CFTR: variants seen among roughly 807,000 people sequenced by gnomAD.
The protein encoded by CFTR is CF transmembrane conductance regulator.
CFTR carries 181 observed loss-of-function variants against 171.6 expected under a neutral mutation model. The ratio of observed to expected loss-of-function variants is 1.05; its 90% CI spans 0.93 to 1.19. The LOEUF (loss-of-function observed/expected upper bound fraction) is 1.19. Ranked by LOEUF, CFTR falls within the 50% of genes most tolerant of loss-of-function variation. CFTR has a pLI of 0.00. For missense variants in CFTR, 1,968 were observed against 1,734.7 expected (o/e 1.13, Z -2.39); for synonymous variants, 583 against 608.0 (o/e 0.96, Z 0.60).
chr7:117,571,228 G>T (rs1326935986), intron 11 of CFTR, among the ~76,000 whole-genome samples: 3 of 152,292 alleles, frequency 2.0e-5, no homozygotes, highest in African/African-American at 7.2e-5. Flanking sequence ...TGAAGGCCAG[G>T]TCCTAAGATC....
intron 23 of CFTR, among the ~76,000 whole-genome samples, chr7:117,646,711 C>A (rs1793001252): frequency 6.6e-6 from 1 of 151,960 alleles, no homozygotes; most frequent in South Asian, 2.1e-4. Flanking sequence ...GGAAACTCTC[C>A]AGCTATGAAG....
At chr7:117,549,088 A>C (rs1285765395) in intron 10 of CFTR, among the ~76,000 whole-genome samples, 1 of 152,266 alleles carries the variant, frequency 6.6e-6, no homozygotes, top group Non-Finnish European at 1.5e-5. Context: ...GCACATGGCG[A>C]GCATTCAATA....
intron 18 of CFTR, among the ~76,000 whole-genome samples, chr7:117,609,693 A>G (rs937606542): frequency 1.3e-5 from 2 of 152,200 alleles, no homozygotes; most frequent in African/African-American, 2.4e-5. Context: ...AGACTCCAAG[A>G]CGAATGCCCA....
At chr7:117,627,159 T>C (rs1792662633) in intron 21 of CFTR, among the ~76,000 whole-genome samples, 1 of 152,092 alleles carries the variant, frequency 6.6e-6, no homozygotes, top group Non-Finnish European at 1.5e-5. Flanking sequence ...GGTTTTGAGG[T>C]GTGGTACATT....
intron 1 of CFTR, among the ~76,000 whole-genome samples, chr7:117,485,020 G>T (rs1328397354): frequency 6.6e-6 from 1 of 152,064 alleles, no homozygotes; most frequent in Non-Finnish European, 1.5e-5. Flanking sequence ...GGAAATCACG[G>T]TTTTCCAGTT....
intron 24 of CFTR, among the ~76,000 whole-genome samples, chr7:117,661,999 A>C (rs1026377857): frequency 4.6e-5 from 7 of 151,874 alleles, no homozygotes; most frequent in African/African-American, 9.7e-5. Context: ...AAAAAAAAAA[A>C]AAAAAAACCC....
intron 23 of CFTR, among the ~76,000 whole-genome samples, chr7:117,648,035 TAC>T (rs1429902789): frequency 3.4e-5 from 5 of 147,356 alleles, no homozygotes; most frequent in Admixed American, 1.4e-4. Flanking sequence ...TATATATATA[TAC>T]ACACACACAT....
intron 11 of CFTR, among the ~76,000 whole-genome samples, chr7:117,572,247 C>G (rs1296635050): frequency 1.3e-5 from 2 of 152,194 alleles, no homozygotes; most frequent in Non-Finnish European, 2.9e-5. Flanking sequence ...GGTGATCTGC[C>G]TGGCTTGGCC....
At chr7:117,661,007 C>G (rs1793270606) in intron 24 of CFTR, among the ~76,000 whole-genome samples, 1 of 152,080 alleles carries the variant, frequency 6.6e-6, no homozygotes, top group African/African-American at 2.4e-5. Context: ...CATTTACATC[C>G]AAAAGATCCG....
At chr7:117,614,870 C>T (rs748996097) in intron 21 of CFTR, among the ~76,000 whole-genome samples, 157 bp downstream of exon 21, 2 of 152,084 alleles carry the variant, frequency 1.3e-5, no homozygotes, top group Non-Finnish European at 2.9e-5. Context: ...TCATTAAATC[C>T]TTATCTCTTC....
chr7:117,662,003 A>C (rs1351161722), intron 24 of CFTR, among the ~76,000 whole-genome samples: 3 of 149,442 alleles, frequency 2.0e-5, no homozygotes, highest in Non-Finnish European at 4.4e-5. Flanking sequence ...AAAAAAAAAA[A>C]AAACCCTCAA....
chr7:117,486,718 GGGCTTTGTA>G (rs1178776432), intron 1 of CFTR, among the ~76,000 whole-genome samples: 3 of 151,912 alleles, frequency 2.0e-5, no homozygotes, highest in Admixed American at 1.3e-4. Context: ...GATCGTAAGG[GGGCTTTGTA>G]GGCTTTGTAG....
At chr7:117,503,506 C>A (rs1798364651) in intron 1 of CFTR, among the ~76,000 whole-genome samples, 1 of 152,118 alleles carries the variant, frequency 6.6e-6, no homozygotes, top group African/African-American at 2.4e-5. Context: ...ATTATTCTGC[C>A]TTATCCTCAA....
chr7:117,612,369 C>G (rs1175765059), intron 20 of CFTR, among the ~76,000 whole-genome samples: 1 of 151,056 alleles, frequency 6.6e-6, no homozygotes, highest in Non-Finnish European at 1.5e-5. Flanking sequence ...AAAAGAAAGA[C>G]AGTGTCACAT....
intron 1 of CFTR, among the ~76,000 whole-genome samples, chr7:117,501,808 CA>C (rs1471256293): frequency 1.3e-5 from 1 of 78,104 alleles, no homozygotes; most frequent in Non-Finnish European, 3.2e-5. Context: ...AGCAAACAAA[CA>C]AAAAAACAAA....
chr7:117,622,363 G>A (rs1792596538), intron 21 of CFTR, among the ~76,000 whole-genome samples: 1 of 152,052 alleles, frequency 6.6e-6, no homozygotes, highest in African/African-American at 2.4e-5. Context: ...GATCTGCCTT[G>A]GTCTTGGGTG....
Position 117,531,031 on chromosome 7 carries a change from C to T in CFTR, c.406C>T (p.Leu136=), listed in dbSNP as rs1351515691. 1.2e-6 allele frequency: 2 copies of T among 1,613,684 alleles called. No individual in the cohort carries two copies. Among genetic ancestry groups the T allele is most frequent in the East Asian group, 2.2e-5 (1 of 44,880 alleles). ...GLCLLFIVRT[L]LLHPAIFGLH... ...ATGCCTTCTCTTTATTGTGAGGACA[C>T]TGCTCCTACACCCAGCCATTTTTGG... The change falls in exon 4 of 27, where the codon CTG becomes TTG. Residue 136 remains leucine, a synonymous_variant. Coordinates refer to ENST00000003084, the MANE Select transcript of CFTR (RefSeq NM_000492.4).
At chr7:117,587,937 G>GA (rs1791970596) in intron 12 of CFTR, 104 bp downstream of exon 12, 6 of 766,684 alleles carry the variant, frequency 7.8e-6, no homozygotes, top group African/African-American at 6.9e-5. Context: ...TTCTGGAATT[G>GA]AAAAAATCCT....
chr7:117,535,497 A>G (rs1798938480), intron 6 of CFTR, 86 bp downstream of exon 6: 4 of 1,090,464 alleles, frequency 3.7e-6, no homozygotes, highest in African/African-American at 3.1e-5. Context: ...TGCTCTATGC[A>G]TAGAACAGTG....
Sources: gnomAD v4.1 joint callset for allele counts (sites outside exome capture counted in the v4.1 genomes callset) on GRCh38, gnomAD v4.1.1 for gene constraint, MANE v1.5 for transcripts, NCBI Gene and HGNC (gene_info 2026-07-23, HGNC 2026-07-21) for gene names.